PCCA: variants seen among roughly 807,000 people sequenced by gnomAD.
PCCA encodes propionyl-CoA carboxylase subunit alpha.
PCCA carries 74 observed loss-of-function variants against 101.3 expected under a neutral mutation model. The ratio of observed to expected loss-of-function variants is 0.73; its 90% CI spans 0.61 to 0.89. The LOEUF (loss-of-function observed/expected upper bound fraction) is 0.89. Ranked by LOEUF, PCCA falls within the 40% of genes least tolerant of loss-of-function variation. The pLI is 0.00. For missense variants in PCCA, 891 were observed against 907.0 expected (o/e 0.98, Z 0.23); for synonymous variants, 294 against 313.6 (o/e 0.94, Z 0.66).
At chr13:100,325,442 A>G (rs1344393807) in intron 16 of PCCA, among the ~76,000 whole-genome samples, 2 of 152,216 alleles carry the variant, frequency 1.3e-5, no homozygotes, top group African/African-American at 2.4e-5. Flanking sequence ...TCTGCCAACT[A>G]AGAGGCAGCA....
intron 6 of PCCA, among the ~76,000 whole-genome samples, chr13:100,173,756 C>G (rs11843106): frequency 6.6e-6 from 1 of 152,124 alleles, no homozygotes. Context: ...CTAATCCCCA[C>G]GTGTTGTGGG....
intron 22 of PCCA, among the ~76,000 whole-genome samples, chr13:100,516,736 C>CGTGTGTGTGTGTGTGTGTGTGTGT (rs3840000): frequency 6.9e-6 from 1 of 144,972 alleles, no homozygotes; most frequent in Non-Finnish European, 1.5e-5. Context: ...AGAAAAATTA[C>CGTGTGTGTGTGTGTGTGTGTGTGT]GTGTGTGTGT....
intron 4 of PCCA, among the ~76,000 whole-genome samples, chr13:100,121,301 G>T (rs1464742675): frequency 1.3e-5 from 2 of 151,418 alleles, no homozygotes; most frequent in African/African-American, 4.9e-5. Flanking sequence ...GGGGTTACAG[G>T]CATGCGCCAC....
At chr13:100,489,344 C>T (rs9585449) in intron 21 of PCCA, among the ~76,000 whole-genome samples, 51,546 of 152,024 alleles carry the variant, frequency 0.34, 9,334 homozygotes, top group East Asian at 0.57. Flanking sequence ...CAGCCATGCT[C>T]ATTCCTGTAT....
At chr13:100,322,688 A>T (rs2068197598) in intron 16 of PCCA, among the ~76,000 whole-genome samples, 1 of 151,724 alleles carries the variant, frequency 6.6e-6, no homozygotes, top group Non-Finnish European at 1.5e-5. Context: ...TTCCTGCCTC[A>T]GCCTCCCAAG....
chr13:100,093,741 A>AC (rs60025104), intron 1 of PCCA, among the ~76,000 whole-genome samples: 16,339 of 151,512 alleles, frequency 0.11, 999 homozygotes, highest in Middle Eastern at 0.17. Flanking sequence ...TAATGATACC[A>AC]CCCCCACCCC....
intron 21 of PCCA, among the ~76,000 whole-genome samples, chr13:100,462,372 C>A (rs2082221964): frequency 6.6e-6 from 1 of 152,130 alleles, no homozygotes; most frequent in African/African-American, 2.4e-5. Context: ...CATTGCCTGC[C>A]TGCTATACTA....
rs200402738 is a variant in PCCA at position 100,297,973 on chromosome 13, AT to A, written c.1066-3470del. 8.2e-3 allele frequency among the ~76,000 whole-genome samples: 1,137 copies of A among 138,004 alleles called. 2 individuals are homozygous for A. The highest frequency in any genetic ancestry group is 0.012 in the African/African-American group (448 of 37,626). 90.5% of individuals were successfully genotyped at this position (138,004 alleles called of 152,430 possible). On this transcript the variant is annotated intron_variant, in intron 12 of 23. Transcript: ENST00000376285. ...GCTTACTCCTTTTTTGTGAGTGTGA[AT>A]TTTTTTTTTTTTTTTTGGGTTCGGG...
intron 18 of PCCA, among the ~76,000 whole-genome samples, chr13:100,351,275 A>G (rs555204589): frequency 1.3e-5 from 2 of 152,300 alleles, no homozygotes; most frequent in East Asian, 3.9e-4. Context: ...ATATTTGTAT[A>G]TATTATATTT....
At chr13:100,211,220 C>T (rs931890814) in intron 7 of PCCA, among the ~76,000 whole-genome samples, 2 of 152,216 alleles carry the variant, frequency 1.3e-5, no homozygotes, top group African/African-American at 4.8e-5. Context: ...ACATTTCTTC[C>T]ATTCGTAAAG....
intron 18 of PCCA, among the ~76,000 whole-genome samples, chr13:100,361,983 A>G (rs1466541660): frequency 6.6e-6 from 1 of 152,214 alleles, no homozygotes; most frequent in East Asian, 1.9e-4. Flanking sequence ...ACAGCCCCAA[A>G]CTGGAAACCA....
chr13:100,440,711 T>C (rs539091219), intron 20 of PCCA, among the ~76,000 whole-genome samples: 31 of 152,176 alleles, frequency 2.0e-4, no homozygotes, highest in African/African-American at 7.5e-4. Context: ...TATTATTTTG[T>C]ACTTTACACA....
intron 4 of PCCA, among the ~76,000 whole-genome samples, chr13:100,114,250 T>C (rs1156687689): frequency 6.6e-6 from 1 of 151,934 alleles, no homozygotes; most frequent in Non-Finnish European, 1.5e-5. Context: ...CTCAAACAAC[T>C]CTATAGGAAA....
At chr13:100,259,527 G>T (rs928131444) in intron 9 of PCCA, among the ~76,000 whole-genome samples, 16 of 151,850 alleles carry the variant, frequency 1.1e-4, no homozygotes, top group African/African-American at 3.6e-4. Flanking sequence ...TAGAGACGGG[G>T]TTTCACCATG....
intron 19 of PCCA, among the ~76,000 whole-genome samples, chr13:100,377,581 A>G (rs1487082306): frequency 6.6e-6 from 1 of 151,752 alleles, no homozygotes; most frequent in Non-Finnish European, 1.5e-5. Context: ...TGCAAGCTCT[A>G]CCTCCCAGGT....
chr13:100,486,878 C>G (rs2084420199), intron 21 of PCCA, among the ~76,000 whole-genome samples: 1 of 152,198 alleles, frequency 6.6e-6, no homozygotes, highest in South Asian at 2.1e-4. Context: ...GTGATCGTAC[C>G]ACTGCACTCC....
rs147716543 is a variant in PCCA at position 100,529,274 on chromosome 13, G to A, written c.2119-824G>A. On this transcript the variant is annotated intron_variant, in intron 23 of 23. Transcript: ENST00000376285. ...GTCATCGCTGCATCACTAACACTGC[G>A]TCCTCTAGTAGGGCTGCTAAATGGA... 7.8e-3 allele frequency among the ~76,000 whole-genome samples: 1,184 copies of A among 152,232 alleles called. 7 individuals carry two copies. The highest frequency in any genetic ancestry group is 0.011 in the Non-Finnish European group (740 of 68,010).
At chr13:100,510,164 G>A (rs1269953156) in intron 21 of PCCA, among the ~76,000 whole-genome samples, 1 of 152,172 alleles carries the variant, frequency 6.6e-6, no homozygotes, top group African/African-American at 2.4e-5. Flanking sequence ...TGTATATGAA[G>A]AAATCCTGCT....
At chr13:100,375,399 T>A (rs1183865571) in intron 19 of PCCA, among the ~76,000 whole-genome samples, 1 of 152,174 alleles carries the variant, frequency 6.6e-6, no homozygotes, top group Non-Finnish European at 1.5e-5. Flanking sequence ...GGTCCAGAGT[T>A]GAGTTCAAGT....
Sources: gnomAD v4.1 joint callset for allele counts (sites outside exome capture counted in the v4.1 genomes callset) on GRCh38, gnomAD v4.1.1 for gene constraint, MANE v1.5 for transcripts, NCBI Gene and HGNC (gene_info 2026-07-23, HGNC 2026-07-21) for gene names.